Variants in TTC23L observed in about 807,000 individuals in gnomAD.
TTC23L encodes tetratricopeptide repeat protein 23-like.
TTC23L carries 42 observed loss-of-function variants against 48.1 expected under a neutral mutation model. The ratio of observed to expected loss-of-function variants is 0.87; its 90% CI spans 0.68 to 1.13. TTC23L has a LOEUF of 1.13. Among genes scored for constraint, TTC23L ranks in the 50% most tolerant of loss-of-function variants. The pLI is 0.00. For missense variants in TTC23L, 391 were observed against 421.0 expected (o/e 0.93, Z 0.62); for synonymous variants, 159 against 157.2 (o/e 1.01, Z -0.09).
At chr5:34,911,785 T>C in the TTC23L span, 1 of 1,614,132 alleles carries the variant, frequency 6.2e-7, no homozygotes, top group Non-Finnish European at 8.5e-7. Flanking sequence ...ATAACCTTGG[T>C]AACACATTCG....
chr5:34,854,355 T>A (rs1299935567), intron 4 of TTC23L, among the ~76,000 whole-genome samples: 1 of 152,242 alleles, frequency 6.6e-6, no homozygotes, highest in Non-Finnish European at 1.5e-5. Context: ...GATTTTTTTT[T>A]AGAATAGGTT....
the TTC23L span, chr5:34,914,995 G>A: frequency 1.5e-6 from 2 of 1,301,366 alleles, no homozygotes; most frequent in South Asian, 1.3e-5. Flanking sequence ...TCCCATCAGT[G>A]CTGGCGAGGT....
At chr5:34,911,780 C>G in the TTC23L span, 2 of 1,614,130 alleles carry the variant, frequency 1.2e-6, no homozygotes, top group Non-Finnish European at 1.7e-6. Context: ...TAACCATAAC[C>G]TTGGTAACAC....
chr5:34,887,203 ATTT>A (rs1249930876), intron 9 of TTC23L, among the ~76,000 whole-genome samples: 3 of 152,216 alleles, frequency 2.0e-5, no homozygotes, highest in African/African-American at 7.2e-5. Flanking sequence ...AGAGGAACTC[ATTT>A]TGAAGATTCA....
At chr5:34,918,375 A>G in the TTC23L span, 2 of 1,502,474 alleles carry the variant, frequency 1.3e-6, no homozygotes, top group Non-Finnish European at 1.8e-6. Context: ...GAAAGTGGAA[A>G]AATAAGGAAC....
intron 4 of TTC23L, among the ~76,000 whole-genome samples, chr5:34,855,983 T>C (rs1159715361): frequency 1.3e-5 from 2 of 152,204 alleles, no homozygotes; most frequent in Non-Finnish European, 2.9e-5. Context: ...GTGTTACCTA[T>C]TCAAAAATGA....
chr5:34,863,095 C>T lies in TTC23L; in HGVS notation c.536+41C>T, dbSNP rs1330240246. The stretch of plus-strand genomic sequence containing the variant: ...TAGCTGCGTTTAGTGTTCGGGGCCA[C>T]AGGCCACACATGCCAGATGGGTCAT... On this transcript the variant is annotated intron_variant, in intron 5 of 10. Transcript: ENST00000505624. The surrounding 1 kb of genome is among the most constrained non-coding windows in gnomAD (Gnocchi z 4.1). 3 of 1,610,148 alleles carry T rather than the reference C, an allele frequency of 1.9e-6. No individual in the cohort carries two copies. Among genetic ancestry groups the T allele is most frequent in the Admixed American group, 1.7e-5 (1 of 59,854 alleles).
chr5:34,870,470 T>G (rs1761377366), intron 8 of TTC23L, among the ~76,000 whole-genome samples: 1 of 152,198 alleles, frequency 6.6e-6, no homozygotes, highest in African/African-American at 2.4e-5. Flanking sequence ...TTGTAGTTTA[T>G]CTTTTAAGAA....
chr5:34,920,217 A>T, the TTC23L span: 12 of 163,190 alleles, frequency 7.4e-5, no homozygotes, highest in Admixed American at 3.2e-4. Context: ...AAATAAGTCC[A>T]TTAAACATAT....
the TTC23L span, among the ~76,000 whole-genome samples, chr5:34,924,314 A>G: frequency 2.0e-5 from 3 of 152,366 alleles, no homozygotes; most frequent in Admixed American, 2.0e-4. Flanking sequence ...AGTTGAACAC[A>G]TCATCCTAAC....
downstream of TTC23L, among the ~76,000 whole-genome samples, chr5:34,902,823 T>C (rs1341082167): frequency 6.6e-6 from 1 of 152,182 alleles, no homozygotes; most frequent in Non-Finnish European, 1.5e-5. Flanking sequence ...ACTTGGCCTA[T>C]CATTGTTCAT....
Position 34,863,463 on chromosome 5 carries a change from G to A in TTC23L, c.536+409G>A, listed in dbSNP as rs1473325935. Among the ~76,000 whole-genome samples the A allele has an allele frequency of 2.6e-5, 4 of 152,120 alleles. No individual in the cohort carries two copies. The highest frequency in any genetic ancestry group is 4.4e-5 in the Non-Finnish European group (3 of 68,026). On this transcript the variant is annotated intron_variant, in intron 5 of 10. Transcript: ENST00000505624. This position sits in a 1 kb window ranked among gnomAD's most constrained non-coding sequence, Gnocchi z 4.1. ...ACTAGGCTGCACATTGTAATCCCCT[G>A]GGGAGCTTTAAGAATTTCTGCTGTC...
At position 34,840,588 on chromosome 5, in the gene TTC23L, A is replaced by G. The variant is rs1580407308; in HGVS notation, c.-7-77A>G. The G allele has an allele frequency of 4.7e-6, 6 of 1,287,620 alleles. No individual in the cohort carries two copies. In the East Asian group the frequency reaches 1.4e-4, roughly 30 times the overall value. 79.8% of individuals were successfully genotyped at this position (1,287,620 alleles called of 1,614,324 possible). A position where few individuals can be genotyped will look rare whatever the true frequency, so the allele number is the denominator to read the frequency against. The stretch of plus-strand genomic sequence containing the variant: ...TTTGAGCAGTTTTAGTTTAATGTTA[A>G]TAGCAAACCAGAGGGGGAAAATAGA... On this transcript the variant is annotated intron_variant, in intron 1 of 10. Coordinates refer to ENST00000505624, the Ensembl canonical transcript of TTC23L.
intron 3 of TTC23L, among the ~76,000 whole-genome samples, chr5:34,846,338 T>A (rs1006681509): frequency 6.6e-6 from 1 of 151,478 alleles, no homozygotes; most frequent in African/African-American, 2.4e-5. Flanking sequence ...GGTGGGCAGA[T>A]CACCTGATGT....
intron 1 of TTC23L, among the ~76,000 whole-genome samples, chr5:34,840,237 CGG>C (rs35797294): frequency 1.6e-4 from 7 of 43,596 alleles, no homozygotes; most frequent in East Asian, 5.5e-4. Flanking sequence ...GAAATGACCC[CGG>C]GGGGGGGGGG....
chr5:34,839,730 AAC>A (rs1368452958), intron 1 of TTC23L: 2 of 864,106 alleles, frequency 2.3e-6, no homozygotes, highest in African/African-American at 3.6e-5. Context: ...GGTGGATGTT[AAC>A]ATTCAATAAG....
chr5:34,845,836 C>A, intron 3 of TTC23L, 163 bp downstream of exon 3: 1 of 684,488 alleles, frequency 1.5e-6, no homozygotes, highest in Non-Finnish European at 2.4e-6. Context: ...GGTAGCCAGC[C>A]CACCTTCTGG....
the TTC23L span, chr5:34,906,479 A>G: frequency 6.6e-6 from 1 of 152,004 alleles, no homozygotes; most frequent in African/African-American, 2.4e-5. Flanking sequence ...TCTCTACAAA[A>G]AATACAAAAA....
At chr5:34,856,558 A>C (rs1760145335) in intron 4 of TTC23L, among the ~76,000 whole-genome samples, 1 of 152,200 alleles carries the variant, frequency 6.6e-6, no homozygotes, top group African/African-American at 2.4e-5. Flanking sequence ...AAAGAGGGGA[A>C]ATGGTAAATT....
Sources: gnomAD v4.1 joint callset for allele counts (sites outside exome capture counted in the v4.1 genomes callset) on GRCh38, gnomAD v4.1.1 for gene constraint, Gnocchi (gnomAD v3.1) non-coding constraint, MANE v1.5 for transcripts, NCBI Gene and HGNC (gene_info 2026-07-23, HGNC 2026-07-21) for gene names.